The following CLVS1 variants were observed in gnomAD, a reference collection of about 807,000 sequenced individuals.
The protein encoded by CLVS1 is clavesin 1, also known as clavesin-1.
Under a neutral mutation model 33.1 loss-of-function variants are expected in CLVS1, and 10 were observed. The observed-to-expected ratio is 0.30, with a 90% CI of 0.19 to 0.51. CLVS1 has a LOEUF of 0.51. Ranked by LOEUF, CLVS1 falls within the 20% of genes least tolerant of loss-of-function variation. The pLI, the probability that CLVS1 is intolerant of heterozygous loss-of-function variation, is 0.97. For synonymous variants in CLVS1, 163 were observed against 166.1 expected (o/e 0.98, Z 0.14); for missense variants, 343 against 433.4 (o/e 0.79, Z 1.85).
rs56269432 is a variant in CLVS1 at position 61,455,260 on chromosome 8, A to T, written c.741+1009A>T. Among the ~76,000 whole-genome samples, 1,205 of 151,948 alleles carry T rather than the reference A, an allele frequency of 7.9e-3. 6 individuals carry two copies. Among genetic ancestry groups the T allele is most frequent in the African/African-American group, 0.028 (1,156 of 41,444 alleles). ...GCCAATTTCAAATAAACAATACAAT[A>T]TTATTACTTATTACAGTATCCATAC... On this transcript the variant is annotated intron_variant, in intron 4 of 5. Coordinates refer to ENST00000325897, the MANE Select transcript of CLVS1 (RefSeq NM_173519.3).
intron 2 of CLVS1, among the ~76,000 whole-genome samples, chr8:61,253,008 C>T (rs1432794223): frequency 6.6e-6 from 1 of 152,172 alleles, no homozygotes; most frequent in Admixed American, 6.5e-5. Context: ...GCAGTTTCTT[C>T]CTAGCCTCAA....
intron 1 of CLVS1, among the ~76,000 whole-genome samples, chr8:61,068,622 A>T (rs1186496956): frequency 2.0e-5 from 3 of 152,020 alleles, no homozygotes; most frequent in Non-Finnish European, 2.9e-5. Flanking sequence ...GTCATTGGGG[A>T]TGCTGAGGTC....
intron 1 of CLVS1, among the ~76,000 whole-genome samples, chr8:61,091,531 C>G (rs756373420): frequency 8.5e-5 from 13 of 152,164 alleles, no homozygotes; most frequent in Non-Finnish European, 1.5e-4. Flanking sequence ...GAGCAGATTT[C>G]TTTTTCCTAG....
intron 2 of CLVS1, among the ~76,000 whole-genome samples, chr8:61,214,612 T>C (rs891993269): frequency 3.9e-5 from 6 of 152,192 alleles, no homozygotes; most frequent in Non-Finnish European, 7.3e-5. Context: ...ATCTTGATCT[T>C]CGACATCTTA....
At chr8:61,450,624 C>G (rs1456764780) in intron 3 of CLVS1, among the ~76,000 whole-genome samples, 1 of 152,180 alleles carries the variant, frequency 6.6e-6, no homozygotes, top group Non-Finnish European at 1.5e-5. Context: ...ATTGAATACA[C>G]TAAACATATC....
At chr8:61,390,610 C>T (rs113643316) in intron 3 of CLVS1, among the ~76,000 whole-genome samples, 3,603 of 152,288 alleles carry the variant, frequency 0.024, 124 homozygotes, top group African/African-American at 0.081. Flanking sequence ...CACTGCATAG[C>T]ATCTTTTTGT....
At chr8:61,024,240 G>A in the CLVS1 span, among the ~76,000 whole-genome samples, 3 of 152,154 alleles carry the variant, frequency 2.0e-5, no homozygotes, top group African/African-American at 7.2e-5. Context: ...TTCTGGTGTG[G>A]TGGGGGCAAT....
intron 2 of CLVS1, among the ~76,000 whole-genome samples, chr8:61,257,699 A>G (rs1172800730): frequency 6.6e-6 from 1 of 152,230 alleles, no homozygotes; most frequent in Non-Finnish European, 1.5e-5. Context: ...AGAAACTGGC[A>G]AAAGGAACCC....
the CLVS1 span, among the ~76,000 whole-genome samples, chr8:61,051,778 C>T: frequency 0.096 from 14,570 of 152,314 alleles, 950 homozygotes; most frequent in African/African-American, 0.18. Flanking sequence ...GGCATCTGGC[C>T]GTGCTGGCCC....
chr8:61,025,205 T>C, the CLVS1 span, among the ~76,000 whole-genome samples: 1 of 152,232 alleles, frequency 6.6e-6, no homozygotes, highest in Non-Finnish European at 1.5e-5. Flanking sequence ...AACCTCTCTC[T>C]CTACCTTATA....
chr8:61,356,083 C>T (rs1812691862), intron 2 of CLVS1, among the ~76,000 whole-genome samples: 2 of 152,076 alleles, frequency 1.3e-5, no homozygotes, highest in South Asian at 4.2e-4. Context: ...CTGTTGTTTC[C>T]TGACTTTTTA....
intron 2 of CLVS1, among the ~76,000 whole-genome samples, chr8:61,317,635 AC>A (rs1563493210): frequency 6.6e-6 from 1 of 152,190 alleles, no homozygotes; most frequent in Non-Finnish European, 1.5e-5. Flanking sequence ...AACAAGTATT[AC>A]TTTTTTCTTC....
At chr8:61,084,121 G>A (rs1410418367) in intron 1 of CLVS1, among the ~76,000 whole-genome samples, 1 of 152,162 alleles carries the variant, frequency 6.6e-6, no homozygotes, top group African/African-American at 2.4e-5. Flanking sequence ...TTCAATACCA[G>A]ACAAGATAAC....
At chr8:61,290,921 A>G (rs1292566534) in intron 1 of CLVS1, among the ~76,000 whole-genome samples, 1 of 152,258 alleles carries the variant, frequency 6.6e-6, no homozygotes, top group African/African-American at 2.4e-5. Context: ...TTTCAAAAGA[A>G]GGTCCACAGT....
the CLVS1 span, among the ~76,000 whole-genome samples, chr8:60,995,485 T>C: frequency 6.6e-6 from 1 of 152,176 alleles, no homozygotes; most frequent in Non-Finnish European, 1.5e-5. Context: ...CCAGTTAGAA[T>C]GGTGATCATT....
intron 2 of CLVS1, among the ~76,000 whole-genome samples, chr8:61,260,548 ATCAT>A (rs1296234882): frequency 6.6e-6 from 1 of 152,184 alleles, no homozygotes; most frequent in Non-Finnish European, 1.5e-5. Context: ...CCAGGGCTCC[ATCAT>A]TTCTTTCTCT....
chr8:61,391,591 GATA>G (rs1814306523), intron 3 of CLVS1, among the ~76,000 whole-genome samples: 1 of 152,220 alleles, frequency 6.6e-6, no homozygotes, highest in African/African-American at 2.4e-5. Flanking sequence ...ATGTTTAATG[GATA>G]ATATTAACAA....
At chr8:61,359,171 A>G (rs1203858404) in intron 2 of CLVS1, among the ~76,000 whole-genome samples, 31 of 152,182 alleles carry the variant, frequency 2.0e-4, no homozygotes, top group Non-Finnish European at 2.9e-5. Flanking sequence ...TCACAGAACT[A>G]AGTTACCAAC....
chr8:61,217,098 C>T (rs536715038), intron 2 of CLVS1, among the ~76,000 whole-genome samples: 1 of 152,198 alleles, frequency 6.6e-6, no homozygotes, highest in Admixed American at 6.5e-5. Flanking sequence ...TAAAATTTTT[C>T]ATTATCCTTT....
Sources: gnomAD v4.1 joint callset for allele counts (sites outside exome capture counted in the v4.1 genomes callset) on GRCh38, gnomAD v4.1.1 for gene constraint, MANE v1.5 for transcripts, NCBI Gene and HGNC (gene_info 2026-07-23, HGNC 2026-07-21) for gene names.